The following LIN54 variants were observed in gnomAD, a reference collection of about 807,000 sequenced individuals.
LIN54 encodes the protein lin-54 DREAM MuvB core complex component.
LIN54 carries 9 observed loss-of-function variants against 78.7 expected under a neutral mutation model. The ratio of observed to expected loss-of-function variants is 0.11; its 90% CI spans 0.07 to 0.20. The LOEUF (loss-of-function observed/expected upper bound fraction) is 0.20, where lower values mean the gene tolerates loss of function less well. Ranked by LOEUF, LIN54 falls within the 10% of genes least tolerant of loss-of-function variation. LIN54 has a pLI of 1.00. For missense variants in LIN54, 573 were observed against 889.9 expected (o/e 0.64, Z 4.53); for synonymous variants, 269 against 318.4 (o/e 0.84, Z 1.65).
chr4:83,012,454 C>T (rs1207244139), upstream of LIN54, among the ~76,000 whole-genome samples: 1 of 152,226 alleles, frequency 6.6e-6, no homozygotes, highest in Admixed American at 6.5e-5. Flanking sequence ...CTTGTTGGGT[C>T]GCGCAGTGTG....
At chr4:83,005,244 T>C (rs1729244236) in intron 1 of LIN54, among the ~76,000 whole-genome samples, 1 of 152,160 alleles carries the variant, frequency 6.6e-6, no homozygotes, top group Admixed American at 6.6e-5. Context: ...ATATCTATCT[T>C]AAAAAGTAAA....
At chr4:83,004,451 C>T (rs13111200) in intron 1 of LIN54, among the ~76,000 whole-genome samples, 27,464 of 150,506 alleles carry the variant, frequency 0.18, 2,721 homozygotes, top group South Asian at 0.32. Context: ...TGCACATCTG[C>T]GCTAGGACAG....
chr4:82,962,745 A>ATGCTCC (rs1258055639), intron 4 of LIN54, among the ~76,000 whole-genome samples: 2 of 152,062 alleles, frequency 1.3e-5, no homozygotes, highest in Non-Finnish European at 2.9e-5. Flanking sequence ...CTGAGAAAAT[A>ATGCTCC]ATCAATAAAT....
intron 1 of LIN54, 60 bp downstream of exon 1, chr4:83,010,423 AT>A: frequency 1.6e-4 from 7 of 42,514 alleles, no homozygotes; most frequent in Non-Finnish European, 3.0e-4. Context: ...ACCCACCCCC[AT>A]CCCCCCAAAT....
intron 4 of LIN54, among the ~76,000 whole-genome samples, chr4:82,956,667 A>G (rs1338501034): frequency 4.6e-5 from 7 of 152,334 alleles, no homozygotes. Context: ...TTCAATCAAC[A>G]TAATATATAA....
upstream of LIN54, chr4:83,012,917 C>A: frequency 6.6e-6 from 1 of 152,496 alleles, no homozygotes; most frequent in South Asian, 1.9e-4. Context: ...CAGCCCCATT[C>A]CACCGCCGCA....
At chr4:82,945,654 C>T (rs914252776) in intron 5 of LIN54, among the ~76,000 whole-genome samples, 25 of 151,900 alleles carry the variant, frequency 1.6e-4, no homozygotes, top group Admixed American at 1.2e-3. Flanking sequence ...CCACCACACC[C>T]GGCTAATTTT....
At chr4:82,992,372 G>A (rs933234532) in intron 1 of LIN54, among the ~76,000 whole-genome samples, 1 of 151,980 alleles carries the variant, frequency 6.6e-6, no homozygotes, top group Non-Finnish European at 1.5e-5. Context: ...CCATTTTATT[G>A]ACCTTTACAA....
At chr4:82,954,966 A>T (rs1724165701) in intron 4 of LIN54, among the ~76,000 whole-genome samples, 1 of 152,252 alleles carries the variant, frequency 6.6e-6, no homozygotes, top group African/African-American at 2.4e-5. Flanking sequence ...CCAAAAGGAC[A>T]ATCCATGAAA....
chr4:82,942,620 G>C (rs1722996683), intron 5 of LIN54, among the ~76,000 whole-genome samples: 1 of 152,104 alleles, frequency 6.6e-6, no homozygotes, highest in African/African-American at 2.4e-5. Context: ...CTGAATTCCT[G>C]CTTGGGACAC....
upstream of LIN54, chr4:83,012,915 T>C (rs950190458): frequency 2.1e-5 from 3 of 146,180 alleles, no homozygotes; most frequent in Admixed American, 6.8e-5. Flanking sequence ...CCCAGCCCCA[T>C]TCCACCGCCG....
intron 3 of LIN54, among the ~76,000 whole-genome samples, chr4:82,973,416 T>C (rs1226515617): frequency 9.9e-5 from 15 of 152,210 alleles, no homozygotes; most frequent in Admixed American, 9.2e-4. Context: ...TCTGATTATC[T>C]AATCTAACCT....
chr4:82,962,185 A>G (rs1446269984), intron 4 of LIN54, among the ~76,000 whole-genome samples: 1 of 152,116 alleles, frequency 6.6e-6, no homozygotes, highest in Admixed American at 6.5e-5. Flanking sequence ...CCAGCCTTCC[A>G]AGTAGCTGGA....
At chr4:82,954,273 C>CT (rs1227230519) in intron 4 of LIN54, among the ~76,000 whole-genome samples, 3 of 151,536 alleles carry the variant, frequency 2.0e-5, no homozygotes, top group Non-Finnish European at 4.4e-5. Flanking sequence ...AAATAAGTTC[C>CT]TTAATGTACC....
In LIN54 at chr4:82,984,649, T is replaced by C; in HGVS notation, c.196A>G (p.Ile66Val). ...TTAGTGTGGTTACTGTACACTGTGA[T>C]TGGTTCCGTGGAAATGGGCGTGGCT... is the stretch of plus-strand genomic sequence containing the variant. ...STATPISTEPITVYSNHTNQV... is the reference protein window; with the variant it reads ...STATPISTEPVTVYSNHTNQV... Residue 66 changes from isoleucine to valine, a missense_variant, in exon 2 of 13, where the codon ATC becomes GTC. Around this residue, in one of 6 missense-constraint regions of LIN54, gnomAD observed 183 missense variants for 228.4 expected, o/e 0.80. Coordinates refer to ENST00000340417, the MANE Select transcript of LIN54 (RefSeq NM_194282.4). The C allele has an allele frequency of 2.5e-6, 4 of 1,614,204 alleles. No individual in the cohort carries two copies. The highest frequency in any genetic ancestry group is 2.2e-5 in the South Asian group (2 of 91,084).
chr4:82,937,754 G>T (rs1331463147), intron 8 of LIN54, among the ~76,000 whole-genome samples: 1 of 152,198 alleles, frequency 6.6e-6, no homozygotes, highest in Admixed American at 6.5e-5. Context: ...AATTAAGCAC[G>T]GCTTCTAAGC....
intron 3 of LIN54, among the ~76,000 whole-genome samples, chr4:82,978,392 C>A (rs1726342658): frequency 6.6e-6 from 1 of 152,140 alleles, no homozygotes; most frequent in Admixed American, 6.5e-5. Flanking sequence ...CCATGAAATA[C>A]TATACTCTTG....
intron 5 of LIN54, among the ~76,000 whole-genome samples, chr4:82,941,898 G>A (rs1722929157): frequency 6.6e-6 from 1 of 152,224 alleles, no homozygotes; most frequent in Admixed American, 6.5e-5. Flanking sequence ...ATTCAGGAAA[G>A]ACATTGGCAC....
At chr4:82,944,874 T>G (rs1217982362) in intron 5 of LIN54, 2 of 152,406 alleles carry the variant, frequency 1.3e-5, no homozygotes, top group Non-Finnish European at 2.9e-5. Flanking sequence ...GTGTTTTGTT[T>G]TTTTTGAGAT....
Sources: allele counts gnomAD v4.1 joint callset (sites outside exome capture counted in the v4.1 genomes callset), GRCh38; gene constraint gnomAD v4.1.1; regional missense constraint gnomAD v4.1.1; transcripts MANE v1.5; gene names NCBI Gene and HGNC (gene_info 2026-07-23, HGNC 2026-07-21).